Variants in OOEP observed in about 807,000 individuals in gnomAD.
OOEP encodes the protein oocyte expressed protein.
A neutral mutation model predicts 13.7 loss-of-function variants in OOEP; 16 were observed. That is an observed-to-expected ratio of 1.16 (90% CI 0.79 to 1.77). The LOEUF (loss-of-function observed/expected upper bound fraction) is 1.77, where lower values mean the gene tolerates loss of function less well. Among genes scored for constraint, OOEP ranks in the 40% most tolerant of loss-of-function variants. The pLI, the probability that OOEP is intolerant of heterozygous loss-of-function variation, is 0.00. For synonymous variants in OOEP, 89 were observed against 77.1 expected, an observed-to-expected ratio of 1.15 and a Z score of -0.81; for missense variants, 195 against 193.1, an observed-to-expected ratio of 1.01 and a Z score of -0.06.
At chr6:73,394,636 C>T in intron 1 of OOEP, 1 of 529,338 alleles carries the variant, frequency 1.9e-6, no homozygotes, top group East Asian at 3.6e-5. Context: ...GGGGGCGGGG[C>T]ACATCGACTA....
chr6:73,379,144 C>A (rs1251747294), intron 2 of OOEP, among the ~76,000 whole-genome samples: 2 of 151,814 alleles, frequency 1.3e-5, no homozygotes, highest in African/African-American at 4.8e-5. Flanking sequence ...CCTGCCTCAG[C>A]CTCCTGAGTA....
upstream of OOEP, chr6:73,373,046 A>T: frequency 7.6e-7 from 1 of 1,319,874 alleles, no homozygotes; most frequent in Non-Finnish European, 1.1e-6. Context: ...TCAGCTTGAT[A>T]TGGTAACATG....
chr6:73,373,116 C>G, upstream of OOEP: 1 of 1,604,496 alleles, frequency 6.2e-7, no homozygotes, highest in Non-Finnish European at 8.5e-7. Flanking sequence ...CCTTATAGAC[C>G]CAGCTTGGTT....
At chr6:73,372,466 C>G (rs952135224), upstream of OOEP, among the ~76,000 whole-genome samples, 1 of 152,170 alleles carries the variant, frequency 6.6e-6, no homozygotes, top group Non-Finnish European at 1.5e-5. Context: ...TTACTGCTCT[C>G]CCCTGAGGAA....
At position 73,368,799 on chromosome 6, in the gene OOEP, C is replaced by G. The variant is rs761334867; in HGVS notation, c.435G>C (p.Gln145His). ...CTATGTTGTCTTAAGCAACAGGATC[C>G]TGGGGAGAGTGGGGGTCTGATGCAT... Reference protein sequence around the residue: ...KAHASDPHSPQDPVA With the variant: ...KAHASDPHSPHDPVA Residue 145 changes from glutamine (Q) to histidine (H), a missense_variant, in exon 3 of 3, where the codon CAG (glutamine) becomes CAC (histidine). By Grantham distance (24) the Gln-to-His change is conservative. Transcript: ENST00000370359. The G allele has an allele frequency of 6.2e-7, 1 of 1,611,718 alleles. No homozygotes were observed. Among genetic ancestry groups the G allele is most frequent in the Admixed American group, 1.7e-5 (1 of 60,008 alleles).
intron 2 of OOEP, among the ~76,000 whole-genome samples, chr6:73,386,976 A>AG (rs1491211748): frequency 1.0e-5 from 1 of 99,920 alleles, no homozygotes; most frequent in Admixed American, 1.3e-4. Context: ...ATTCCATCTC[A>AG]GAAAAAAAAA....
intron 2 of OOEP, among the ~76,000 whole-genome samples, chr6:73,382,202 C>T (rs941652265): frequency 1.3e-5 from 2 of 148,774 alleles, no homozygotes; most frequent in African/African-American, 5.0e-5. Context: ...CATGCACTAC[C>T]ACACCTGGCT....
At chr6:73,375,869 G>A (rs1186998745) in intron 2 of OOEP, among the ~76,000 whole-genome samples, 5 of 145,114 alleles carry the variant, frequency 3.4e-5, no homozygotes, top group Middle Eastern at 3.7e-3. Flanking sequence ...TCTGTTCACT[G>A]CAACCTCTGC....
intron 2 of OOEP, among the ~76,000 whole-genome samples, chr6:73,388,987 G>T (rs1769310972): frequency 6.6e-6 from 1 of 152,044 alleles, no homozygotes; most frequent in South Asian, 2.1e-4. Context: ...CCACATTGGG[G>T]GTACTCGCTC....
At chr6:73,375,578 A>T (rs766456505) in intron 2 of OOEP, among the ~76,000 whole-genome samples, 1 of 145,758 alleles carries the variant, frequency 6.9e-6, no homozygotes, top group Non-Finnish European at 1.5e-5. Flanking sequence ...CTTATATATA[A>T]AACATATATA....
chr6:73,371,218 A>G (rs113348342), upstream of OOEP, among the ~76,000 whole-genome samples: 3 of 152,158 alleles, frequency 2.0e-5, no homozygotes, highest in Non-Finnish European at 2.9e-5. Context: ...CTCACCCTCA[A>G]TGGTTTCTGA....
chr6:73,375,793 T>C (rs1295681757), intron 2 of OOEP, among the ~76,000 whole-genome samples: 8 of 576 alleles, frequency 0.014, no homozygotes, highest in Non-Finnish European at 0.097. Flanking sequence ...TGATCTCCCT[T>C]TTTTTTTTTT....
chr6:73,393,474 A>G (rs1003769063), intron 2 of OOEP, among the ~76,000 whole-genome samples: 1 of 152,204 alleles, frequency 6.6e-6, no homozygotes, highest in Admixed American at 6.5e-5. Context: ...GAGTAGTAGT[A>G]TGTCCAGCCA....
intron 2 of OOEP, 57 bp downstream of exon 2, chr6:73,369,149 A>G (rs572310049): frequency 6.6e-7 from 1 of 1,518,930 alleles, no homozygotes; most frequent in Non-Finnish European, 8.9e-7. Context: ...GAAACCGAGC[A>G]AGGCCAGTAT....
chr6:73,381,033 C>G (rs1056819611), intron 2 of OOEP, among the ~76,000 whole-genome samples: 3 of 151,648 alleles, frequency 2.0e-5, no homozygotes, highest in Non-Finnish European at 4.4e-5. Flanking sequence ...GTGGCGGGCA[C>G]CTGTAATCCC....
At chr6:73,384,542 T>A (rs1562279431) in intron 2 of OOEP, among the ~76,000 whole-genome samples, 3 of 151,986 alleles carry the variant, frequency 2.0e-5, no homozygotes, top group South Asian at 4.2e-4. Context: ...AAATAAAAAA[T>A]GAGCAAACTT....
At chr6:73,376,845 T>G (rs192148898) in intron 2 of OOEP, among the ~76,000 whole-genome samples, 1,938 of 152,244 alleles carry the variant, frequency 0.013, 19 homozygotes, top group Non-Finnish European at 0.018. Context: ...AGAGAAGAGG[T>G]TTCACCATTT....
rs1769415820 is a variant in OOEP at position 73,394,540 on chromosome 6, C to G, written c.-118-52G>C. 5.2e-6 allele frequency: 3 copies of G among 580,316 alleles called. No homozygotes were observed. In the South Asian group the frequency reaches 6.2e-5, roughly 12 times the overall value. 35.9% of individuals were successfully genotyped at this position (580,316 alleles called of 1,614,324 possible). ...CCAAGGCACTGAGATGCCAGGAACCCGAGGTGTGTGTCCAGTAGGGGAGGG... is the reference window on the plus strand; with the variant it reads ...CCAAGGCACTGAGATGCCAGGAACCGGAGGTGTGTGTCCAGTAGGGGAGGG... On this transcript the variant is annotated intron_variant, in intron 1 of 3. Coordinates refer to the OOEP transcript ENST00000370363.
At chr6:73,384,087 C>A (rs998036977) in intron 2 of OOEP, among the ~76,000 whole-genome samples, 63 of 151,906 alleles carry the variant, frequency 4.1e-4, no homozygotes, top group Non-Finnish European at 7.4e-4. Context: ...CAGAGTGAGA[C>A]CCTGTCTCTA....
Sources: gnomAD v4.1 joint callset for allele counts (sites outside exome capture counted in the v4.1 genomes callset) on GRCh38, gnomAD v4.1.1 for gene constraint, MANE v1.5 for transcripts, NCBI Gene and HGNC (gene_info 2026-07-23, HGNC 2026-07-21) for gene names.